TBX3: variants seen among roughly 807,000 people sequenced by gnomAD.
TBX3 encodes the protein T-box transcription factor TBX3.
Under a neutral mutation model 47.8 loss-of-function variants are expected in TBX3, and 11 were observed. That is an observed-to-expected ratio of 0.23 (90% CI 0.14 to 0.38). TBX3 has a LOEUF of 0.38. Among genes scored for constraint, TBX3 ranks in the 10% least tolerant of loss-of-function variants. TBX3 has a pLI of 1.00. For synonymous variants in TBX3, 500 were observed against 449.3 expected (o/e 1.11, Z -1.43); for missense variants, 927 against 1,022.8 (o/e 0.91, Z 1.28).
rs922910315 is a variant in TBX3, at chr12:114,677,945, C to A, written c.805-289G>T. On this transcript the variant is annotated intron_variant, in intron 3 of 6. Transcript: ENST00000349155. The stretch of plus-strand genomic sequence containing the variant: ...TGTCAAAGTCATCAAGAGGGAAAAC[C>A]TGTAGATCTTAAAATTATGCTTTCA... 4.0e-5 allele frequency among the ~76,000 whole-genome samples: 6 copies of A among 151,804 alleles called. No individual in the cohort carries two copies. In the East Asian group the frequency reaches 5.8e-4, roughly 15 times the overall value.
chr12:114,672,027 G>T lies in TBX3; in HGVS notation c.1986C>A (p.Ala662=). The change falls in exon 7 of 7, where the codon GCC becomes GCA. Residue 662 remains alanine, a synonymous_variant. Transcript: ENST00000349155. The part of the protein sequence containing the change: ...GKVAALAASP[A]SVAVDSGSEL... ...CAGAGCCCGAGTCCACTGCCACCGA[G>T]GCCGGGCTGGCGGCCAGGGCGGCGA... 2 of 1,588,692 alleles carry T rather than the reference G, an allele frequency of 1.3e-6. No homozygotes were observed. Among genetic ancestry groups the T allele is most frequent in the Non-Finnish European group, 1.7e-6 (2 of 1,167,836 alleles).
chr12:114,674,587 C>T lies in TBX3; in HGVS notation c.1288G>A (p.Gly430Ser), dbSNP rs1182691296. ...ACCGGGCTCCTGCGCTCCTCCGCGC[C>T]CAGGCCGCGAGTGCTGGACGAGATG... is the stretch of plus-strand genomic sequence containing the variant. ...ATISSSTRGL[G>S]AEERRSPVRE... Residue 430 changes from glycine (G) to serine (S), a missense_variant, in exon 6 of 7, where the codon GGC becomes AGC. Gly to Ser is a moderately conservative substitution (Grantham distance 56). Coordinates refer to ENST00000349155, the MANE Select transcript of TBX3 (RefSeq NM_005996.4). 2.5e-6 allele frequency: 4 copies of T among 1,590,674 alleles called. No homozygotes were observed. The African/African-American group carries it at 5.4e-5, about 21-fold the overall frequency.
intron 2 of TBX3, chr12:114,679,858 G>A (rs181854712): frequency 3.8e-6 from 6 of 1,599,272 alleles, no homozygotes; most frequent in Admixed American, 1.7e-5. Context: ...GTTGCCAAAG[G>A]GCCCCCCCCA....
At position 114,671,707 on chromosome 12, in the gene TBX3, T is replaced by A; in HGVS notation, c.*134A>T. 2 of 1,100,138 alleles carry A rather than the reference T, an allele frequency of 1.8e-6. No individual in the cohort carries two copies. Among genetic ancestry groups the A allele is most frequent in the Non-Finnish European group, 2.7e-6 (2 of 745,792 alleles). 68.1% of individuals were successfully genotyped at this position (1,100,138 alleles called of 1,614,324 possible). A position where few individuals can be genotyped will look rare whatever the true frequency, so the allele number is the denominator to read the frequency against. On this transcript the variant is annotated 3_prime_UTR_variant, in exon 7 of 7. Coordinates refer to ENST00000349155, the MANE Select transcript of TBX3 (RefSeq NM_005996.4). Reference sequence around the variant, plus strand: ...TCTCTAGCACATTCTCTCGAGGGAGTCCGGGGCCCCTTCCCAGACGCAACT... The same window carrying A: ...TCTCTAGCACATTCTCTCGAGGGAGACCGGGGCCCCTTCCCAGACGCAACT...
rs535483835 is a variant in TBX3 at position 114,683,267 on chromosome 12, T to G, written c.-67A>C. ...CGCAGCTGCTGTGTTTTGTTGTTTTTTTGTTGTTGTTTAACAGCAGCACAT... is the reference window on the plus strand; with the variant it reads ...CGCAGCTGCTGTGTTTTGTTGTTTTGTTGTTGTTGTTTAACAGCAGCACAT... On this transcript the variant is annotated 5_prime_UTR_variant, in exon 1 of 7. Transcript: ENST00000349155. This position sits in a 1 kb window ranked among gnomAD's most constrained non-coding sequence, Gnocchi z 7.7. The G allele has an allele frequency of 1.3e-5, 20 of 1,584,406 alleles. No individual in the cohort carries two copies. Among genetic ancestry groups the G allele is most frequent in the East Asian group, 2.3e-5 (1 of 44,318 alleles).
At position 114,671,588 on chromosome 12, in the gene TBX3, T is replaced by C. The variant is rs1015011775; in HGVS notation, c.*253A>G. ...CTCTGGACATAAATGTTGGAACTCC[T>C]ACCCCCAGTAGCTCAATGCAACCGA... On this transcript the variant is annotated 3_prime_UTR_variant, in exon 7 of 7. Transcript: ENST00000349155. 6.9e-6 allele frequency: 4 copies of C among 580,940 alleles called. No individual in the cohort carries two copies. The highest frequency in any genetic ancestry group is 4.1e-5 in the South Asian group (2 of 49,250). 36.0% of individuals were successfully genotyped at this position (580,940 alleles called of 1,614,324 possible). A position where few individuals can be genotyped will look rare whatever the true frequency, so the allele number is the denominator to read the frequency against.
rs776624739 is a variant in TBX3, at chr12:114,674,503, C to T, written c.1372G>A (p.Ala458Thr). 22 of 1,514,628 alleles carry T rather than the reference C, an allele frequency of 1.5e-5. No homozygotes were observed. Among genetic ancestry groups the T allele is most frequent in the Non-Finnish European group, 1.9e-5 (21 of 1,134,986 alleles). 93.8% of individuals were successfully genotyped at this position (1,514,628 alleles called of 1,614,324 possible). ...EEARALPGKE[A>T]FAPLTVQTDA... ...GTCTGCACCGTGAGCGGCGCGAAGG[C>T]CTCCTTGCCCGGGAGCGCGCGCGCC... is the stretch of plus-strand genomic sequence containing the variant. Residue 458 changes from alanine (A) to threonine (T), a missense_variant, in exon 6 of 7, where the codon GCC becomes ACC. Around this residue, in one of 5 missense-constraint regions of TBX3, gnomAD observed 623 missense variants for 569.0 expected, o/e 1.09. Coordinates refer to ENST00000349155, the MANE Select transcript of TBX3 (RefSeq NM_005996.4).
At position 114,674,639 on chromosome 12, in the gene TBX3, C is replaced by T. The variant is rs62640916; in HGVS notation, c.1236G>A (p.Ser412=). Residue 412 remains serine, a synonymous_variant, in exon 6 of 7, where the codon TCG becomes TCA. Transcript: ENST00000349155. ...TGGCGGGGCTATGGCGTGAGTCGGGCGACGCTTTGTCCAGCCGCCCGCTGT... is the reference window on the plus strand; with the variant it reads ...TGGCGGGGCTATGGCGTGAGTCGGGTGACGCTTTGTCCAGCCGCCCGCTGT... ...PRDSGRLDKA[S]PDSRHSPATI... is the part of the protein sequence containing the mutation. 3.1e-6 allele frequency: 5 copies of T among 1,606,464 alleles called. No homozygotes were observed. In the Admixed American group the frequency reaches 6.7e-5, roughly 22 times the overall value.
At position 114,670,967 on chromosome 12, in the gene TBX3, T is replaced by A. The variant is rs1344262230; in HGVS notation, c.*874A>T. ...TAGTCTCACTTCTTTATTATTTTTT[T>A]AAAACCTTGTTATTGCATATACAGG... is the stretch of plus-strand genomic sequence containing the variant. On this transcript the variant is annotated 3_prime_UTR_variant, in exon 7 of 7. Coordinates refer to ENST00000349155, the MANE Select transcript of TBX3 (RefSeq NM_005996.4). 5 of 210,210 alleles carry A rather than the reference T, an allele frequency of 2.4e-5. No homozygotes were observed. The highest frequency in any genetic ancestry group is 6.8e-5 in the African/African-American group (3 of 44,212). The allele number at this position is 210,210 out of a possible 1,614,324, so 13.0% of individuals were successfully genotyped here.
chr12:114,682,058 A>C (rs1256923820), intron 1 of TBX3, among the ~76,000 whole-genome samples: 1 of 152,248 alleles, frequency 6.6e-6, no homozygotes, highest in Admixed American at 6.5e-5. Context: ...CAGTGATTTT[A>C]AATGACTATT....
At chr12:114,682,485 G>A (rs1868976092) in intron 1 of TBX3, among the ~76,000 whole-genome samples, 1 of 151,114 alleles carries the variant, frequency 6.6e-6, no homozygotes, top group African/African-American at 2.4e-5. Flanking sequence ...TTCCAGGAGG[G>A]TTTGAAGAGT....
intron 1 of TBX3, among the ~76,000 whole-genome samples, chr12:114,682,291 C>T (rs893432879): frequency 6.6e-6 from 1 of 152,134 alleles, no homozygotes; most frequent in Admixed American, 6.5e-5. Flanking sequence ...AAATGCCCTT[C>T]GATTTCTCTC....
rs1868722261 is a variant in TBX3, at chr12:114,676,616, C to T, written c.882-146G>A. 3.6e-6 allele frequency: 4 copies of T among 1,096,074 alleles called. No homozygotes were observed. In the African/African-American group the frequency reaches 4.6e-5, roughly 13 times the overall value. 67.9% of individuals were successfully genotyped at this position (1,096,074 alleles called of 1,614,324 possible). A position where few individuals can be genotyped will look rare whatever the true frequency, so the allele number is the denominator to read the frequency against. On this transcript the variant is annotated intron_variant, in intron 4 of 6. Coordinates refer to ENST00000349155, the MANE Select transcript of TBX3 (RefSeq NM_005996.4). Reference sequence around the variant, plus strand: ...CGCTAATTCACTGAAATCTGCTTGCCCCAGGGCAGCCACATAGACCCAAGC... The same window carrying T: ...CGCTAATTCACTGAAATCTGCTTGCTCCAGGGCAGCCACATAGACCCAAGC...
At position 114,670,842 on chromosome 12, in the gene TBX3, G is replaced by A; in HGVS notation, c.*999C>T. On this transcript the variant is annotated 3_prime_UTR_variant, in exon 7 of 7. Coordinates refer to ENST00000349155, the MANE Select transcript of TBX3 (RefSeq NM_005996.4). ...ACAGTTGCAATTCTATTTACACAGA[G>A]CTATGTACAATGTCAATAAATTAAA... 1 of 215,860 alleles carries A rather than the reference G, an allele frequency of 4.6e-6. No homozygotes were observed. Among genetic ancestry groups the A allele is most frequent in the African/African-American group, 2.2e-5 (1 of 44,596 alleles). The allele number at this position is 215,860 out of a possible 1,614,324, so 13.4% of individuals were successfully genotyped here.
rs1401595922 is a variant in TBX3 at position 114,670,865 on chromosome 12, AAAGTTT to A, written c.*970_*975del. The A allele has an allele frequency of 9.3e-6, 2 of 215,550 alleles. No individual in the cohort carries two copies. Among genetic ancestry groups the A allele is most frequent in the Non-Finnish European group, 9.4e-6 (1 of 106,950 alleles). 13.4% of individuals were successfully genotyped at this position (215,550 alleles called of 1,614,324 possible). A position where few individuals can be genotyped will look rare whatever the true frequency, so the allele number is the denominator to read the frequency against. On this transcript the variant is annotated 3_prime_UTR_variant, in exon 7 of 7. Transcript: ENST00000349155. Reference sequence around the variant, plus strand: ...GAGCTATGTACAATGTCAATAAATTAAAGTTTAATTTTCCAAGCATTCATATTCCAC... The same window carrying A: ...GAGCTATGTACAATGTCAATAAATTAAATTTTCCAAGCATTCATATTCCAC...
chr12:114,674,948 T>TC, intron 5 of TBX3, 113 bp from the exon 6 acceptor site: 1 of 1,404,012 alleles, frequency 7.1e-7, no homozygotes, highest in Non-Finnish European at 9.7e-7. Context: ...GGCTGTGTAA[T>TC]CCCGGGGAAA....
chr12:114,682,749 C>G, intron 1 of TBX3, 63 bp downstream of exon 1: 1 of 1,612,396 alleles, frequency 6.2e-7, no homozygotes, highest in Non-Finnish European at 8.5e-7. Context: ...GTTCTGGGAG[C>G]AGAGAAATAA....
At chr12:114,678,974 GCATGCACACA>G (rs1467349589) in intron 3 of TBX3, among the ~76,000 whole-genome samples, 2 of 151,918 alleles carry the variant, frequency 1.3e-5, no homozygotes, top group East Asian at 3.9e-4. Flanking sequence ...CCACACGCAT[GCATGCACACA>G]CATGCACACA....
intron 3 of TBX3, among the ~76,000 whole-genome samples, chr12:114,678,114 G>A (rs1457347322): frequency 6.7e-6 from 1 of 149,348 alleles, no homozygotes; most frequent in Non-Finnish European, 1.5e-5. Flanking sequence ...TTGTGCGGGA[G>A]TGAGTGCGGG....
Sources: allele counts gnomAD v4.1 joint callset (sites outside exome capture counted in the v4.1 genomes callset), GRCh38; gene constraint gnomAD v4.1.1; regional missense constraint gnomAD v4.1.1; non-coding constraint Gnocchi (gnomAD v3.1); transcripts MANE v1.5; gene names NCBI Gene and HGNC (gene_info 2026-07-23, HGNC 2026-07-21).